Variants in CEP128 observed in about 807,000 individuals in gnomAD.
CEP128 encodes centrosomal protein 128kDa.
In CEP128, 132 loss-of-function variants were observed where a neutral mutation model predicts 156.7. The ratio of observed to expected loss-of-function variants is 0.84; its 90% CI spans 0.73 to 0.97. The LOEUF (loss-of-function observed/expected upper bound fraction) is 0.97, where lower values mean the gene tolerates loss of function less well. Among genes scored for constraint, CEP128 ranks in the 50% least tolerant of loss-of-function variants. The pLI, the probability that CEP128 is intolerant of heterozygous loss-of-function variation, is 0.00. For synonymous variants in CEP128, 469 were observed against 448.9 expected, an observed-to-expected ratio of 1.04 and a Z score of -0.57; for missense variants, 1,252 against 1,281.9, an observed-to-expected ratio of 0.98 and a Z score of 0.36.
At chr14:80,903,201 C>A (rs1192672076) in intron 6 of CEP128, among the ~76,000 whole-genome samples, 2 of 152,098 alleles carry the variant, frequency 1.3e-5, no homozygotes, top group Non-Finnish European at 2.9e-5. Context: ...GAAATAAACA[C>A]ACACATTTGC....
Position 80,527,000 on chromosome 14 carries a change from CA to C in CEP128, c.2959-19del. Reference sequence around the variant, plus strand: ...CAGGAATCCTGGAAAAAAAAAAAAGCAAAGGGTCTGAACTGGTAGATGAAAG... The same window carrying C: ...CAGGAATCCTGGAAAAAAAAAAAAGCAAGGGTCTGAACTGGTAGATGAAAG... On this transcript the variant is annotated intron_variant, in intron 22 of 24. Transcript: ENST00000555265. 4 of 889,874 alleles carry C rather than the reference CA, an allele frequency of 4.5e-6. No homozygotes were observed. The highest frequency in any genetic ancestry group is 5.1e-5 in the East Asian group (2 of 39,596). 55.1% of individuals were successfully genotyped at this position (889,874 alleles called of 1,614,324 possible).
At chr14:80,679,678 T>G (rs1896235008) in intron 19 of CEP128, among the ~76,000 whole-genome samples, 1 of 152,352 alleles carries the variant, frequency 6.6e-6, no homozygotes, top group East Asian at 1.9e-4. Flanking sequence ...GATCTTTGCC[T>G]TGCCCTTTGC....
chr14:80,603,087 C>T (rs957857939), intron 19 of CEP128, among the ~76,000 whole-genome samples: 1 of 152,178 alleles, frequency 6.6e-6, no homozygotes, highest in Non-Finnish European at 1.5e-5. Flanking sequence ...GGAAGCAATT[C>T]TGCCATTTCT....
At position 80,916,384 on chromosome 14, in the gene CEP128, A is replaced by T; in HGVS notation, c.147+17T>A. 6.3e-7 allele frequency: 1 copy of T among 1,599,998 alleles called. No individual in the cohort carries two copies. The highest frequency in any genetic ancestry group is 8.5e-7 in the Non-Finnish European group (1 of 1,170,634). ...AACTATTTAAATTCTATTAAATGCA[A>T]CCATTGTTAAACTAACCTGTAAAGT... On this transcript the variant is annotated intron_variant, in intron 3 of 24. Coordinates refer to ENST00000555265, the MANE Select transcript of CEP128 (RefSeq NM_152446.5).
intron 23 of CEP128, among the ~76,000 whole-genome samples, chr14:80,517,447 T>C (rs1374654406): frequency 6.6e-6 from 1 of 152,238 alleles, no homozygotes; most frequent in Non-Finnish European, 1.5e-5. Context: ...TAACATATTT[T>C]CTAATTTTTC....
chr14:80,667,428 G>T (rs1595179691), intron 19 of CEP128, among the ~76,000 whole-genome samples: 1 of 152,108 alleles, frequency 6.6e-6, no homozygotes, highest in East Asian at 1.9e-4. Flanking sequence ...AAACTGTTAG[G>T]GAGTGGGGAA....
chr14:80,822,929 C>A, intron 13 of CEP128: 1 of 470,652 alleles, frequency 2.1e-6, no homozygotes, highest in African/African-American at 2.0e-5. Context: ...CAGAACACTT[C>A]ATTGTTGTTT....
intron 19 of CEP128, among the ~76,000 whole-genome samples, chr14:80,653,848 T>C (rs1895018103): frequency 1.3e-5 from 2 of 152,180 alleles, no homozygotes; most frequent in South Asian, 4.1e-4. Flanking sequence ...GAAAGTTTCT[T>C]CATTTTGTAA....
chr14:80,926,157 T>C (rs1566719798), intron 2 of CEP128, among the ~76,000 whole-genome samples: 1 of 152,064 alleles, frequency 6.6e-6, no homozygotes, highest in East Asian at 1.9e-4. Flanking sequence ...GGGCAGAAAG[T>C]GTGCTATAGC....
chr14:80,498,020 T>A (rs1331038288), intron 24 of CEP128, among the ~76,000 whole-genome samples: 1 of 152,184 alleles, frequency 6.6e-6, no homozygotes, highest in Non-Finnish European at 1.5e-5. Flanking sequence ...TATCTCCTAC[T>A]CCTCGTCTGA....
At chr14:80,568,329 C>T (rs1419220077) in intron 20 of CEP128, among the ~76,000 whole-genome samples, 1 of 152,214 alleles carries the variant, frequency 6.6e-6, no homozygotes, top group African/African-American at 2.4e-5. Context: ...TGTTAACTAT[C>T]ATGCATGTCA....
At chr14:80,519,368 C>A (rs1057276852) in intron 23 of CEP128, among the ~76,000 whole-genome samples, 3 of 152,094 alleles carry the variant, frequency 2.0e-5, no homozygotes, top group African/African-American at 7.2e-5. Context: ...TTAATGATAC[C>A]CACCAAGTAT....
chr14:80,669,709 T>A (rs974176884), intron 19 of CEP128, among the ~76,000 whole-genome samples: 1 of 152,188 alleles, frequency 6.6e-6, no homozygotes. Context: ...TTGGTAGGAA[T>A]GTAATGTAGT....
intron 3 of CEP128, 82 bp from the exon 4 acceptor site, chr14:80,914,490 A>G: frequency 1.0e-6 from 1 of 988,106 alleles, no homozygotes. Flanking sequence ...CAATCAACTA[A>G]GTCAACAGTT....
At chr14:80,884,653 T>C (rs1888712321) in intron 8 of CEP128, among the ~76,000 whole-genome samples, 1 of 152,112 alleles carries the variant, frequency 6.6e-6, no homozygotes, top group Admixed American at 6.5e-5. Flanking sequence ...CCCATGGTTT[T>C]TGCAGCCCAC....
At chr14:80,655,326 C>T (rs1456559780) in intron 19 of CEP128, among the ~76,000 whole-genome samples, 1 of 152,136 alleles carries the variant, frequency 6.6e-6, no homozygotes, top group African/African-American at 2.4e-5. Context: ...TATAAATTTG[C>T]TATTGTCACA....
intron 19 of CEP128, among the ~76,000 whole-genome samples, chr14:80,716,118 A>G (rs1259576112): frequency 6.6e-6 from 1 of 152,204 alleles, no homozygotes; most frequent in Non-Finnish European, 1.5e-5. Flanking sequence ...CAGATTCAAA[A>G]TATATTTTAT....
chr14:80,698,814 A>G (rs777024210), intron 19 of CEP128, among the ~76,000 whole-genome samples: 1 of 152,202 alleles, frequency 6.6e-6, no homozygotes, highest in Non-Finnish European at 1.5e-5. Flanking sequence ...ATGACATTTA[A>G]GTTAAGCATT....
chr14:80,826,838 T>C (rs1486047404), intron 13 of CEP128, among the ~76,000 whole-genome samples: 1 of 152,126 alleles, frequency 6.6e-6, no homozygotes, highest in Admixed American at 6.5e-5. Flanking sequence ...TGACGGAAGA[T>C]GGAGGCAAAG....
Sources: gnomAD v4.1 joint callset for allele counts (sites outside exome capture counted in the v4.1 genomes callset) on GRCh38, gnomAD v4.1.1 for gene constraint, MANE v1.5 for transcripts, NCBI Gene and HGNC (gene_info 2026-07-23, HGNC 2026-07-21) for gene names.